Variants in AP4E1 observed in about 807,000 individuals in gnomAD.
AP4E1 encodes the protein adaptor related protein complex 4 subunit epsilon 1.
A neutral mutation model predicts 128.2 loss-of-function variants in AP4E1; 56 were observed. That is an observed-to-expected ratio of 0.44 (90% CI 0.35 to 0.55). AP4E1 has a LOEUF of 0.55. AP4E1 is among the 20% of genes least tolerant of loss of function. The pLI is 0.00. For missense variants in AP4E1, 1,324 were observed against 1,307.7 expected, an observed-to-expected ratio of 1.01 and a Z score of -0.19; for synonymous variants, 484 against 473.1, an observed-to-expected ratio of 1.02 and a Z score of -0.30.
chr15:50,945,031 T>G (rs2064038839), intron 10 of AP4E1: 1 of 775,292 alleles, frequency 1.3e-6, no homozygotes, highest in African/African-American at 1.7e-5. Context: ...GGGACTTCTT[T>G]TTTCACCGTT....
At chr15:50,995,678 G>C (rs2064859555) in intron 17 of AP4E1, among the ~76,000 whole-genome samples, 1 of 152,028 alleles carries the variant, frequency 6.6e-6, no homozygotes, top group Non-Finnish European at 1.5e-5. Flanking sequence ...GAGCCGCCAT[G>C]CCCGGCCTCA....
chr15:50,941,551 T>C lies in AP4E1; in HGVS notation c.1053T>C (p.Asn351=). The part of the protein sequence containing the change: ...IGKFVLSPKI[N]LKYLGLKALT... The stretch of plus-strand genomic sequence containing the variant: ...AATTTGTTCTGTCACCTAAAATAAA[T>C]CTAAAATATTTAGGTAAGATGATTG... The change falls in exon 9 of 21, where the codon AAT becomes AAC. Residue 351 remains asparagine (N), a synonymous_variant. Transcript: ENST00000261842. The C allele has an allele frequency of 6.2e-7, 1 of 1,612,894 alleles. No individual in the cohort carries two copies. The highest frequency in any genetic ancestry group is 2.2e-5 in the East Asian group (1 of 44,786).
chr15:51,001,569 A>T (rs1397308956), intron 20 of AP4E1, among the ~76,000 whole-genome samples: 1 of 152,176 alleles, frequency 6.6e-6, no homozygotes, highest in Non-Finnish European at 1.5e-5. Flanking sequence ...GTCTCTATGA[A>T]CTTGACTGTG....
Position 50,929,141 on chromosome 15 carries a change from C to T in AP4E1, c.675C>T (p.Ser225=), listed in dbSNP as rs1596464429. The change falls in exon 6 of 21, where the codon TCC becomes TCT. Residue 225 remains serine, a synonymous_variant. Transcript: ENST00000261842. ...CDRDVGVMAA[S]LHIYLRMIKE... ...GAGATGTTGGGGTCATGGCTGCCTC[C>T]TTGCATATATATCTTAGAATGATTA... 1 of 1,613,626 alleles carries T rather than the reference C, an allele frequency of 6.2e-7. No individual in the cohort carries two copies. Among genetic ancestry groups the T allele is most frequent in the African/African-American group, 1.3e-5 (1 of 74,862 alleles).
chr15:50,909,049 G>A (rs1274872594), intron 1 of AP4E1, 121 bp downstream of exon 1: 3 of 1,465,238 alleles, frequency 2.0e-6, no homozygotes, highest in Non-Finnish European at 2.7e-6. Context: ...GGGCTCAGGG[G>A]CTGCTGTGTC....
Position 50,912,073 on chromosome 15 carries a change from C to A in AP4E1, c.151-5C>A. ...TCAAGCATTTAAATATTTTCACTTTCTCAGGAAGAAGAAAAATTAATCCAG... is the reference window on the plus strand; with the variant it reads ...TCAAGCATTTAAATATTTTCACTTTATCAGGAAGAAGAAAAATTAATCCAG... On this transcript the variant is annotated splice_region_variant and splice_polypyrimidine_tract_variant and intron_variant, in intron 1 of 20. Coordinates refer to ENST00000261842, the MANE Select transcript of AP4E1 (RefSeq NM_007347.5). 1 of 1,612,804 alleles carries A rather than the reference C, an allele frequency of 6.2e-7. No homozygotes were observed. The highest frequency in any genetic ancestry group is 1.1e-5 in the South Asian group (1 of 91,030).
chr15:50,998,290 CT>C (rs1423414364), intron 18 of AP4E1, among the ~76,000 whole-genome samples: 2 of 152,024 alleles, frequency 1.3e-5, no homozygotes, highest in Non-Finnish European at 2.9e-5. Context: ...GGGATATTGT[CT>C]GGGCCACTGA....
At chr15:50,914,703 T>A (rs1262573363) in intron 2 of AP4E1, among the ~76,000 whole-genome samples, 1 of 151,290 alleles carries the variant, frequency 6.6e-6, no homozygotes, top group Admixed American at 6.6e-5. Flanking sequence ...TTGAAACACA[T>A]TTTATTTATA....
intron 15 of AP4E1, among the ~76,000 whole-genome samples, chr15:50,977,590 A>C (rs904449875): frequency 6.6e-6 from 1 of 152,258 alleles, no homozygotes; most frequent in Non-Finnish European, 1.5e-5. Context: ...ATAAATTATA[A>C]AATTATATAT....
In AP4E1 at chr15:50,925,200, G is replaced by T; in HGVS notation, c.523G>T (p.Asp175Tyr). 1 of 1,613,482 alleles carries T rather than the reference G, an allele frequency of 6.2e-7. No homozygotes were observed. Among genetic ancestry groups the T allele is most frequent in the Non-Finnish European group, 8.5e-7 (1 of 1,179,486 alleles). Reference protein sequence around the residue: ...MIPAVLPLIEDKLQHSKEIVR... With the variant: ...MIPAVLPLIEYKLQHSKEIVR... ...TCCAGCTGTTCTTCCATTAATAGAA[G>T]ATAAACTTCAACATTCTAAGTAAGT... The change falls in exon 5 of 21, where the codon GAT becomes TAT. Residue 175 changes from aspartate (D) to tyrosine (Y), a missense_variant. Coordinates refer to ENST00000261842, the MANE Select transcript of AP4E1 (RefSeq NM_007347.5).
At chr15:50,920,142 C>CT (rs1324757458) in intron 3 of AP4E1, among the ~76,000 whole-genome samples, 1 of 105,894 alleles carries the variant, frequency 9.4e-6, no homozygotes, top group Non-Finnish European at 1.7e-5. Flanking sequence ...GAGACGGAGT[C>CT]TCGCTCTTTC....
In AP4E1 at chr15:51,004,901, G is replaced by A. The variant is rs1483588082; in HGVS notation, c.*2239G>A. On this transcript the variant is annotated 3_prime_UTR_variant, in exon 21 of 21. Transcript: ENST00000261842. ...TGTAAAGTAGGGAGTTTTTTTTTTT[G>A]AGACAGAGTTTCACCCTTGTTGCCC... 1 of 146,650 alleles carries A rather than the reference G, an allele frequency of 6.8e-6. No individual in the cohort carries two copies. The highest frequency in any genetic ancestry group is 1.5e-5 in the Non-Finnish European group (1 of 66,726). The allele number at this position is 146,650 out of a possible 1,614,324, so 9.1% of individuals were successfully genotyped here.
chr15:50,941,926 T>G (rs2063994485), intron 10 of AP4E1, 151 bp downstream of exon 10: 1 of 664,422 alleles, frequency 1.5e-6, no homozygotes, highest in South Asian at 1.8e-5. Context: ...TTTTTTTGTT[T>G]TCTATTTTGA....
In AP4E1 at chr15:50,926,822, C is replaced by T. The variant is rs534529514; in HGVS notation, c.542+1603C>T. Among the ~76,000 whole-genome samples, 4 of 152,236 alleles carry T rather than the reference C, an allele frequency of 2.6e-5. No homozygotes were observed. In the East Asian group the frequency reaches 7.8e-4, roughly 30 times the overall value. On this transcript the variant is annotated intron_variant, in intron 5 of 20. Transcript: ENST00000261842. The stretch of plus-strand genomic sequence containing the variant: ...GGCCAAGCTGGTCTCGAACTCCTGA[C>T]CTCGTGATCCACCTGTCTTGGCCTC...
chr15:50,999,375 C>T, intron 19 of AP4E1, 113 bp downstream of exon 19: 1 of 884,226 alleles, frequency 1.1e-6, no homozygotes, highest in South Asian at 1.7e-5. Context: ...CAGTTAAAAA[C>T]TACGCACAGT....
Position 50,989,487 on chromosome 15 carries a change from CT to C in AP4E1, c.2091-3871del, listed in dbSNP as rs755088428. ...CATGAGTTCAAATTCTTTTTCTTAT[CT>C]TTTTTTTTTTTCCTGCTCTGTTAAC... On this transcript the variant is annotated intron_variant, in intron 16 of 20. Transcript: ENST00000261842. Among the ~76,000 whole-genome samples, 1,143 of 145,210 alleles carry C rather than the reference CT, an allele frequency of 7.9e-3. 13 individuals carry two copies. The highest frequency in any genetic ancestry group is 0.025 in the African/African-American group (1,005 of 39,964).
rs760922152 is a variant in AP4E1 at position 50,984,056 on chromosome 15, T to A, written c.2001T>A (p.Ser667=). 4 of 1,613,504 alleles carry A rather than the reference T, an allele frequency of 2.5e-6. No homozygotes were observed. Among genetic ancestry groups the A allele is most frequent in the Non-Finnish European group, 3.4e-6 (4 of 1,179,516 alleles). ...LNFEPYGLSF[S]SSGFTGRQSP... is the part of the protein sequence containing the mutation. ...TTGAACCATATGGACTCTCCTTTTCTTCATCTGGCTTCACTGGACGACAGT... is the reference window on the plus strand; with the variant it reads ...TTGAACCATATGGACTCTCCTTTTCATCATCTGGCTTCACTGGACGACAGT... Residue 667 remains serine, a synonymous_variant, in exon 16 of 21, where the codon TCT becomes TCA. Coordinates refer to ENST00000261842, the MANE Select transcript of AP4E1 (RefSeq NM_007347.5).
chr15:50,980,953 C>A (rs751035695), intron 15 of AP4E1, among the ~76,000 whole-genome samples: 1 of 152,204 alleles, frequency 6.6e-6, no homozygotes, highest in East Asian at 1.9e-4. Context: ...CTCCCTGGGG[C>A]TTAGGCAGAG....
At chr15:50,991,773 G>C (rs1334495715) in intron 16 of AP4E1, among the ~76,000 whole-genome samples, 1 of 151,674 alleles carries the variant, frequency 6.6e-6, no homozygotes, top group Admixed American at 6.6e-5. Flanking sequence ...TTTGTTTTGG[G>C]CTCAAAATCA....
Sources: allele counts gnomAD v4.1 joint callset (sites outside exome capture counted in the v4.1 genomes callset), GRCh38; gene constraint gnomAD v4.1.1; transcripts MANE v1.5; gene names NCBI Gene and HGNC (gene_info 2026-07-23, HGNC 2026-07-21).